The following KCNIP4 variants were observed in gnomAD, a reference collection of about 807,000 sequenced individuals.
KCNIP4 encodes the protein Kv channel-interacting protein 4.
In KCNIP4, 12 loss-of-function variants were observed where a neutral mutation model predicts 34.0. The ratio of observed to expected loss-of-function variants is 0.35; its 90% CI spans 0.23 to 0.57. The LOEUF is 0.57. KCNIP4 is among the 20% of genes least tolerant of loss of function. KCNIP4 has a pLI of 0.83. For missense variants in KCNIP4, 238 were observed against 311.7 expected (o/e 0.76, Z 1.78); for synonymous variants, 124 against 102.2 (o/e 1.21, Z -1.29).
intron 1 of KCNIP4, among the ~76,000 whole-genome samples, chr4:21,089,200 T>C (rs1746751093): frequency 6.6e-6 from 1 of 152,190 alleles, no homozygotes; most frequent in Non-Finnish European, 1.5e-5. Flanking sequence ...GGTAATTAGA[T>C]CATGGGGGTG....
chr4:21,599,083 C>T (rs1742889632), intron 1 of KCNIP4, among the ~76,000 whole-genome samples: 1 of 152,060 alleles, frequency 6.6e-6, no homozygotes. Flanking sequence ...ATTTGAGCAT[C>T]CTTGCAACAC....
intron 5 of KCNIP4, among the ~76,000 whole-genome samples, chr4:20,743,215 G>A (rs947855897): frequency 8.5e-5 from 13 of 152,152 alleles, no homozygotes; most frequent in African/African-American, 2.2e-4. Flanking sequence ...TATAGATTCA[G>A]TGCCATCCCC....
chr4:20,864,101 T>C (rs181253696), intron 2 of KCNIP4, among the ~76,000 whole-genome samples: 47 of 126,094 alleles, frequency 3.7e-4, no homozygotes, highest in Middle Eastern at 4.5e-3. Flanking sequence ...CATGTATACG[T>C]ATGTATGTAT....
At chr4:21,383,218 T>C (rs1431706621) in intron 1 of KCNIP4, among the ~76,000 whole-genome samples, 1 of 152,176 alleles carries the variant, frequency 6.6e-6, no homozygotes, top group Non-Finnish European at 1.5e-5. Flanking sequence ...CCTCCAGAAC[T>C]GTGATCAATA....
intron 1 of KCNIP4, among the ~76,000 whole-genome samples, chr4:21,720,617 G>T (rs1299984774): frequency 6.8e-6 from 1 of 147,306 alleles, no homozygotes; most frequent in Non-Finnish European, 1.5e-5. Context: ...GTGCCATGTT[G>T]GTGTGCTGCA....
intron 1 of KCNIP4, among the ~76,000 whole-genome samples, chr4:21,828,787 T>G (rs1196577915): frequency 6.6e-6 from 1 of 151,702 alleles, no homozygotes; most frequent in Non-Finnish European, 1.5e-5. Context: ...CAAAAAGAAA[T>G]CAATAAAATT....
chr4:21,303,378 C>G (rs1201749062), intron 1 of KCNIP4, among the ~76,000 whole-genome samples: 1 of 152,136 alleles, frequency 6.6e-6, no homozygotes, highest in Non-Finnish European at 1.5e-5. Flanking sequence ...GAAATTATGT[C>G]TATTTATTTC....
At chr4:20,893,715 CACCCAGCCACCTT>C (rs1385402335) in intron 1 of KCNIP4, among the ~76,000 whole-genome samples, 1 of 151,402 alleles carries the variant, frequency 6.6e-6, no homozygotes, top group Admixed American at 6.6e-5. Flanking sequence ...TGAGCCACCT[CACCCAGCCACCTT>C]GCCTCTTTGA....
At chr4:21,684,927 T>G (rs543898684) in intron 1 of KCNIP4, among the ~76,000 whole-genome samples, 5 of 152,236 alleles carry the variant, frequency 3.3e-5, no homozygotes, top group Middle Eastern at 6.8e-3. Context: ...TAATTACAAA[T>G]TTTTTGAAAA....
chr4:21,785,932 G>A (rs1719878336), intron 1 of KCNIP4, among the ~76,000 whole-genome samples: 1 of 152,058 alleles, frequency 6.6e-6, no homozygotes, highest in South Asian at 2.1e-4. Flanking sequence ...AGGTTTTGGT[G>A]TGGGCATATA....
intron 1 of KCNIP4, among the ~76,000 whole-genome samples, chr4:21,804,210 T>C (rs143782767): frequency 6.6e-6 from 1 of 152,348 alleles, no homozygotes; most frequent in East Asian, 1.9e-4. Flanking sequence ...AGAAGGACAA[T>C]GCAAGGCTAA....
intron 1 of KCNIP4, among the ~76,000 whole-genome samples, chr4:21,210,947 T>G (rs1757179998): frequency 6.6e-6 from 1 of 152,178 alleles, no homozygotes; most frequent in Non-Finnish European, 1.5e-5. Context: ...TTTAGAATTT[T>G]TAGAAATTAA....
At chr4:21,000,974 C>T (rs1738077891) in intron 1 of KCNIP4, among the ~76,000 whole-genome samples, 1 of 152,192 alleles carries the variant, frequency 6.6e-6, no homozygotes, top group African/African-American at 2.4e-5. Flanking sequence ...TTAGCAATTA[C>T]CACTATCATA....
At chr4:21,724,181 A>G (rs1715024209) in intron 1 of KCNIP4, among the ~76,000 whole-genome samples, 1 of 152,118 alleles carries the variant, frequency 6.6e-6, no homozygotes, top group Admixed American at 6.6e-5. Flanking sequence ...ACTATCACAG[A>G]GCATAGACAA....
At chr4:21,682,057 T>G (rs1577834171) in intron 1 of KCNIP4, among the ~76,000 whole-genome samples, 1 of 151,912 alleles carries the variant, frequency 6.6e-6, no homozygotes, top group Non-Finnish European at 1.5e-5. Flanking sequence ...CCCAGCTAAT[T>G]TTTTTTGTAA....
In KCNIP4 at chr4:21,388,986, G is replaced by GT. The variant is rs10718975; in HGVS notation, c.62-506278dup. 1.9e-4 allele frequency among the ~76,000 whole-genome samples: 28 copies of GT among 146,260 alleles called. No individual in the cohort carries two copies. In the East Asian group the frequency reaches 2.0e-3, roughly 11 times the overall value. ...GCTTTATGTTGACATATATTGTCTT[G>GT]TTTTTTTTTTTTCTTTGAGACAGAA... On this transcript the variant is annotated intron_variant, in intron 1 of 8. Transcript: ENST00000382152.
At chr4:21,206,589 C>A (rs1038064592) in intron 1 of KCNIP4, among the ~76,000 whole-genome samples, 2 of 152,154 alleles carry the variant, frequency 1.3e-5, no homozygotes, top group Non-Finnish European at 2.9e-5. Flanking sequence ...GGCCTAGATT[C>A]CAGCCTCATT....
At chr4:21,214,468 C>T (rs1757428352) in intron 1 of KCNIP4, among the ~76,000 whole-genome samples, 1 of 152,166 alleles carries the variant, frequency 6.6e-6, no homozygotes, top group African/African-American at 2.4e-5. Flanking sequence ...CCTATTTTTA[C>T]TACCTAAAAT....
chr4:20,773,434 C>A lies in KCNIP4; in HGVS notation c.289-14544G>T, dbSNP rs1264723391. Among the ~76,000 whole-genome samples the A allele has an allele frequency of 4.6e-5, 7 of 152,154 alleles. No homozygotes were observed. The East Asian group carries it at 1.2e-3, about 25-fold the overall frequency. On this transcript the variant is annotated intron_variant, in intron 3 of 8. Transcript: ENST00000382152. Reference sequence around the variant, plus strand: ...GGTGGGACAGTAAAGCCTCTGTCTCCTCTCCATGCCAGGCAAAATGACCCA... The same window carrying A: ...GGTGGGACAGTAAAGCCTCTGTCTCATCTCCATGCCAGGCAAAATGACCCA...
Sources: allele counts gnomAD v4.1 joint callset (sites outside exome capture counted in the v4.1 genomes callset), GRCh38; gene constraint gnomAD v4.1.1; transcripts MANE v1.5; gene names NCBI Gene and HGNC (gene_info 2026-07-23, HGNC 2026-07-21).